The following SRRM3 variants were observed in gnomAD, a reference collection of about 807,000 sequenced individuals.
SRRM3 encodes the protein serine/arginine repetitive matrix protein 3.
A neutral mutation model predicts 66.2 loss-of-function variants in SRRM3; 27 were observed. The observed-to-expected ratio is 0.41, with a 90% CI of 0.30 to 0.56. SRRM3 has a LOEUF of 0.56. SRRM3 is among the 20% of genes least tolerant of loss of function. The pLI, the probability that SRRM3 is intolerant of heterozygous loss-of-function variation, is 0.32. For synonymous variants in SRRM3, 391 were observed against 414.9 expected (o/e 0.94, Z 0.70); for missense variants, 918 against 991.9 (o/e 0.93, Z 1.00).
At position 76,267,367 on chromosome 7, in the gene SRRM3, A is replaced by G; in HGVS notation, c.940A>G (p.Asn314Asp). ...CAGCGGATGGGGGTCGCCCCAGCGG[A>G]ACGGCGGCAGCGGGCAGCGGAGCGG... ...GGSGWGSPQR[N>D]GGSGQRSGAH... Residue 314 changes from asparagine to aspartate, a missense_variant, in exon 11 of 15, where the codon AAC becomes GAC. Coordinates refer to ENST00000611745, the MANE Select transcript of SRRM3 (RefSeq NM_001110199.3). 1 of 1,471,610 alleles carries G rather than the reference A, an allele frequency of 6.8e-7. No individual in the cohort carries two copies. Among genetic ancestry groups the G allele is most frequent in the Non-Finnish European group, 9.0e-7 (1 of 1,117,142 alleles). 91.2% of individuals were successfully genotyped at this position (1,471,610 alleles called of 1,614,324 possible).
At chr7:76,258,538 C>T (rs549886839) in intron 3 of SRRM3, among the ~76,000 whole-genome samples, 12 of 150,386 alleles carry the variant, frequency 8.0e-5, no homozygotes, top group African/African-American at 2.9e-4. Context: ...CATGGTGAAA[C>T]CCCGTCTCTA....
chr7:76,267,576 C>G (rs1028272720), intron 11 of SRRM3, 141 bp downstream of exon 11: 2 of 697,874 alleles, frequency 2.9e-6, no homozygotes, highest in South Asian at 1.0e-4. Flanking sequence ...CTCCTCGGCT[C>G]CCCGCTGGGC....
chr7:76,246,775 C>A (rs57279364), intron 2 of SRRM3, among the ~76,000 whole-genome samples: 2 of 152,126 alleles, frequency 1.3e-5, no homozygotes, highest in African/African-American at 4.8e-5. Flanking sequence ...GCATCCCCTG[C>A]TCTCATGTTT....
intron 1 of SRRM3, among the ~76,000 whole-genome samples, chr7:76,212,018 G>GT (rs1260919109): frequency 6.0e-5 from 9 of 150,802 alleles, no homozygotes; most frequent in South Asian, 2.1e-4. Flanking sequence ...TTTTTAAAAT[G>GT]TTTTTTGTAG....
rs1802511712 is a variant in SRRM3, at chr7:76,281,640, C to A, written c.1208C>A (p.Pro403His). 1 of 973,418 alleles carries A rather than the reference C, an allele frequency of 1.0e-6. No individual in the cohort carries two copies. Among genetic ancestry groups the A allele is most frequent in the Middle Eastern group, 5.2e-4 (1 of 1,906 alleles). 60.3% of individuals were successfully genotyped at this position (973,418 alleles called of 1,614,324 possible). The change falls in exon 12 of 15, where the codon CCC becomes CAC. Residue 403 changes from proline (P) to histidine (H), a missense_variant. Pro to His is a moderately conservative substitution (Grantham distance 77). Transcript: ENST00000611745. ...RRRSRSSASA[P>H]RRRGRRRPRP... The stretch of plus-strand genomic sequence containing the variant: ...CGCTCGCGGTCCTCGGCGTCCGCGC[C>A]CCGCCGCAGGGGTCGCCGGCGCCCC...
chr7:76,278,480 C>T (rs953919427), intron 11 of SRRM3, among the ~76,000 whole-genome samples: 1 of 152,038 alleles, frequency 6.6e-6, no homozygotes, highest in African/African-American at 2.4e-5. Flanking sequence ...GAGCGAGACT[C>T]TGTCTCAAAA....
chr7:76,267,522 A>G, intron 11 of SRRM3, 87 bp downstream of exon 11: 1 of 340,134 alleles, frequency 2.9e-6, no homozygotes, highest in Non-Finnish European at 4.3e-6. Context: ...GCAGGGGGCG[A>G]TAAGTGTGGC....
Position 76,285,898 on chromosome 7 carries a change from G to C in SRRM3, c.*55G>C, listed in dbSNP as rs1404911707. The C allele has an allele frequency of 1.3e-6, 2 of 1,498,004 alleles. No homozygotes were observed. Among genetic ancestry groups the C allele is most frequent in the African/African-American group, 2.8e-5 (2 of 71,772 alleles). The allele number at this position is 1,498,004 out of a possible 1,614,324, so 92.8% of individuals were successfully genotyped here. A position where few individuals can be genotyped will look rare whatever the true frequency, so the allele number is the denominator to read the frequency against. On this transcript the variant is annotated 3_prime_UTR_variant, in exon 15 of 15. Transcript: ENST00000611745. This position sits in a 1 kb window ranked among gnomAD's most constrained non-coding sequence, Gnocchi z 4.1. ...TGGCACTGGGAGAGGCGAGGGGCGG[G>C]CCCCAGGACCCCAGTGGGGAGGGGG...
At chr7:76,222,249 T>C (rs1295271470) in intron 1 of SRRM3, among the ~76,000 whole-genome samples, 3 of 151,842 alleles carry the variant, frequency 2.0e-5, no homozygotes, top group Non-Finnish European at 4.4e-5. Flanking sequence ...CTACAAAACT[T>C]CTAAAAACTA....
chr7:76,232,811 G>A (rs1300953929), intron 1 of SRRM3, among the ~76,000 whole-genome samples: 9 of 151,858 alleles, frequency 5.9e-5, no homozygotes, highest in Non-Finnish European at 1.2e-4. Context: ...CAAGAGTCAC[G>A]GGAGGCTGCT....
At chr7:76,259,698 G>A (rs1271338892) in intron 3 of SRRM3, among the ~76,000 whole-genome samples, 7 of 152,184 alleles carry the variant, frequency 4.6e-5, no homozygotes, top group Non-Finnish European at 1.0e-4. Context: ...GTACCGTGAG[G>A]TCGGGGACCT....
chr7:76,265,828 T>TTATATATATATA (rs1167434051), intron 10 of SRRM3, among the ~76,000 whole-genome samples: 1 of 25,586 alleles, frequency 3.9e-5, no homozygotes, highest in Non-Finnish European at 5.0e-5. Flanking sequence ...TAATAAATAT[T>TTATATATATATA]TATATATATA....
intron 5 of SRRM3, among the ~76,000 whole-genome samples, 166 bp from the exon 6 acceptor site, chr7:76,260,708 C>A (rs1420805736): frequency 2.6e-5 from 4 of 152,074 alleles, no homozygotes; most frequent in African/African-American, 9.7e-5. Flanking sequence ...GGGTCCCGTG[C>A]CCACCAACAC....
intron 11 of SRRM3, among the ~76,000 whole-genome samples, chr7:76,277,358 G>A (rs1554611268): frequency 6.6e-6 from 1 of 152,166 alleles, no homozygotes; most frequent in Admixed American, 6.5e-5. Context: ...CACGGCCTGT[G>A]GTCTTCCTCG....
intron 3 of SRRM3, among the ~76,000 whole-genome samples, chr7:76,257,614 T>G (rs1328036197): frequency 4.0e-5 from 6 of 151,118 alleles, no homozygotes; most frequent in Admixed American, 6.6e-5. Flanking sequence ...ACAAAAAAAG[T>G]TTTTTTTAAT....
chr7:76,239,096 G>A (rs920449598), intron 2 of SRRM3, among the ~76,000 whole-genome samples: 11 of 151,952 alleles, frequency 7.2e-5, no homozygotes, highest in African/African-American at 2.2e-4. Flanking sequence ...GAAATGGCAC[G>A]ATCTCGGCTT....
At chr7:76,239,176 G>C (rs1331732699) in intron 2 of SRRM3, among the ~76,000 whole-genome samples, 1 of 151,656 alleles carries the variant, frequency 6.6e-6, no homozygotes, top group Non-Finnish European at 1.5e-5. Flanking sequence ...GGGACTATAG[G>C]AGCACGCCAC....
At chr7:76,281,332 CTT>C (rs1554611871) in intron 11 of SRRM3, 107 bp from the exon 12 acceptor site, 72 of 805,098 alleles carry the variant, frequency 8.9e-5, no homozygotes, top group Non-Finnish European at 8.0e-6. Flanking sequence ...GTCTCTGTCT[CTT>C]TCTTTCAATC....
intron 2 of SRRM3, among the ~76,000 whole-genome samples, chr7:76,242,484 T>TC (rs2117014401): frequency 7.0e-6 from 1 of 143,318 alleles, no homozygotes; most frequent in African/African-American, 2.8e-5. Context: ...AAACTCTGTT[T>TC]CCCAAAAAAA....
Sources: gnomAD v4.1 joint callset for allele counts (sites outside exome capture counted in the v4.1 genomes callset) on GRCh38, gnomAD v4.1.1 for gene constraint, Gnocchi (gnomAD v3.1) non-coding constraint, MANE v1.5 for transcripts, NCBI Gene and HGNC (gene_info 2026-07-23, HGNC 2026-07-21) for gene names.